The following RYR3 variants were observed in gnomAD, a reference collection of about 807,000 sequenced individuals.
RYR3 encodes the protein ryanodine receptor 3, also known as brain ryanodine receptor-calcium release channel.
A neutral mutation model predicts 584.3 loss-of-function variants in RYR3; 207 were observed. The observed-to-expected ratio is 0.35, with a 90% CI of 0.32 to 0.40. The LOEUF is 0.40. Among genes scored for constraint, RYR3 ranks in the 10% least tolerant of loss-of-function variants. The probability of loss-of-function intolerance (pLI) is 1.00; values close to 1 mark genes in which losing one functional copy is unlikely to be tolerated. For missense variants in RYR3, 5,616 were observed against 6,089.2 expected (o/e 0.92, Z 2.59); for synonymous variants, 2,416 against 2,248.5 (o/e 1.07, Z -2.11).
At chr15:33,406,157 C>T (rs1469350641) in intron 1 of RYR3, among the ~76,000 whole-genome samples, 1 of 152,054 alleles carries the variant, frequency 6.6e-6, no homozygotes, top group Non-Finnish European at 1.5e-5. Context: ...AGGGATATCA[C>T]AGTAGTTCCA....
rs577496539 is a variant in RYR3 at position 33,664,589 on chromosome 15, G to GTGTATATATATATATATATA, written c.5619+853_5619+854insGTATATATATATATATATAT. ...TATATAGATATATGTGTGTGTGTGT[G>GTGTATATATATATATATATA]TATATATATATATATATATATATAT... On this transcript the variant is annotated intron_variant, in intron 36 of 103. Transcript: ENST00000634891. Among the ~76,000 whole-genome samples, 235 of 91,294 alleles carry GTGTATATATATATATATATA rather than the reference G, an allele frequency of 2.6e-3. 1 individual carries two copies. Among genetic ancestry groups the GTGTATATATATATATATATA allele is most frequent in the Middle Eastern group, 6.9e-3 (1 of 144 alleles). The allele number at this position is 91,294 out of a possible 152,430, so 59.9% of individuals were successfully genotyped here. A position where few individuals can be genotyped will look rare whatever the true frequency, so the allele number is the denominator to read the frequency against.
chr15:33,852,953 C>T (rs2079258300), intron 94 of RYR3, 92 bp from the exon 95 acceptor site: 2 of 1,106,276 alleles, frequency 1.8e-6, no homozygotes, highest in Admixed American at 4.2e-5. Flanking sequence ...CCAGAAAGAT[C>T]CCAGATCCAG....
intron 18 of RYR3, among the ~76,000 whole-genome samples, chr15:33,608,037 A>G (rs1266096994): frequency 6.6e-6 from 1 of 152,126 alleles, no homozygotes; most frequent in African/African-American, 2.4e-5. Flanking sequence ...GGTTCCAGAA[A>G]CCCCTTGACC....
At chr15:33,627,354 C>T (rs1043693526) in intron 20 of RYR3, among the ~76,000 whole-genome samples, 1 of 152,106 alleles carries the variant, frequency 6.6e-6, no homozygotes, top group Non-Finnish European at 1.5e-5. Flanking sequence ...GAGATAGGAG[C>T]AAAACACCAG....
chr15:33,403,202 A>G (rs2042797938), intron 1 of RYR3, among the ~76,000 whole-genome samples: 2 of 152,172 alleles, frequency 1.3e-5, no homozygotes, highest in South Asian at 4.1e-4. Flanking sequence ...TCTCTTTTGC[A>G]TGTTTTAATT....
At chr15:33,692,076 C>T (rs1290313226) in intron 38 of RYR3, among the ~76,000 whole-genome samples, 3 of 152,190 alleles carry the variant, frequency 2.0e-5, no homozygotes, top group Non-Finnish European at 4.4e-5. Context: ...CTTTATTAAA[C>T]CTGCAGTATG....
At chr15:33,688,584 A>AG (rs1276332238) in intron 38 of RYR3, among the ~76,000 whole-genome samples, 10 of 152,000 alleles carry the variant, frequency 6.6e-5, no homozygotes, top group Middle Eastern at 3.4e-3. Flanking sequence ...AAAAAAAAAA[A>AG]AAAAAAAGAC....
rs1235595712 is a variant in RYR3 at position 33,785,883 on chromosome 15, G to A, written c.9490G>A (p.Val3164Ile). The change falls in exon 66 of 104, where the codon GTC becomes ATC. Residue 3164 changes from valine (V) to isoleucine (I), a missense_variant. Transcript: ENST00000634891. ...CAGCACAGGGCCATGCTGCACCAAG[G>A]TCACCTCTGAACACCTCAGTCTCAT... The part of the protein sequence containing the change: ...PPSTGPCCTK[V>I]TSEHLSLILG... 4 of 1,613,878 alleles carry A rather than the reference G, an allele frequency of 2.5e-6. No individual in the cohort carries two copies. In the Admixed American group the frequency reaches 5.0e-5, roughly 20 times the overall value.
intron 1 of RYR3, among the ~76,000 whole-genome samples, chr15:33,438,865 A>G (rs1389219776): frequency 1.3e-5 from 2 of 152,212 alleles, no homozygotes; most frequent in Non-Finnish European, 2.9e-5. Context: ...CACATAAAAC[A>G]GTAATCTACA....
chr15:33,367,162 T>C (rs1366413767), intron 1 of RYR3, among the ~76,000 whole-genome samples: 3 of 152,238 alleles, frequency 2.0e-5, no homozygotes, highest in African/African-American at 7.2e-5. Flanking sequence ...TCCTAGTGGC[T>C]ATGTCATCAA....
intron 1 of RYR3, among the ~76,000 whole-genome samples, chr15:33,439,996 A>AT (rs1459945814): frequency 6.6e-6 from 1 of 152,200 alleles, no homozygotes; most frequent in Non-Finnish European, 1.5e-5. Flanking sequence ...TCATTTTAAA[A>AT]TTGAGTCTAG....
chr15:33,484,090 C>T (rs1347479490), intron 2 of RYR3, among the ~76,000 whole-genome samples: 2 of 151,762 alleles, frequency 1.3e-5, no homozygotes, highest in African/African-American at 4.8e-5. Flanking sequence ...GATTATTTTG[C>T]TATAGGTAGT....
intron 16 of RYR3, among the ~76,000 whole-genome samples, chr15:33,595,085 CAT>C (rs34529856): frequency 0.14 from 21,769 of 152,076 alleles, 1,602 homozygotes; most frequent in Middle Eastern, 0.19. Context: ...TAGAAAAAGA[CAT>C]AATTTATAAT....
intron 59 of RYR3, among the ~76,000 whole-genome samples, chr15:33,756,918 G>C (rs2071893661): frequency 6.6e-6 from 1 of 152,100 alleles, no homozygotes; most frequent in South Asian, 2.1e-4. Context: ...TTCCATTTGA[G>C]CTTCATCCAG....
chr15:33,718,381 G>C (rs1021074239), intron 43 of RYR3, among the ~76,000 whole-genome samples: 3 of 152,272 alleles, frequency 2.0e-5, no homozygotes, highest in Middle Eastern at 3.4e-3. Flanking sequence ...TTGAATGTTT[G>C]TGATATGCCA....
chr15:33,865,317 T>A lies in RYR3; in HGVS notation c.*91T>A. ...ACAGTTCTGCAACATATCTGAAATG[T>A]GACATTTTCTAAATGCCTCCCTTAA... On this transcript the variant is annotated 3_prime_UTR_variant, in exon 104 of 104. Coordinates refer to ENST00000634891, the MANE Select transcript of RYR3 (RefSeq NM_001036.6). The A allele has an allele frequency of 1.2e-6, 1 of 852,194 alleles. No individual in the cohort carries two copies. The allele number at this position is 852,194 out of a possible 1,614,324, so 52.8% of individuals were successfully genotyped here. A position where few individuals can be genotyped will look rare whatever the true frequency, so the allele number is the denominator to read the frequency against.
At chr15:33,713,853 T>C (rs1196052484) in intron 43 of RYR3, among the ~76,000 whole-genome samples, 1 of 152,168 alleles carries the variant, frequency 6.6e-6, no homozygotes, top group East Asian at 1.9e-4. Context: ...GGGCCTCTTT[T>C]GTAGTGGCAC....
At chr15:33,635,938 G>C in intron 26 of RYR3, 119 bp downstream of exon 26, 1 of 811,996 alleles carries the variant, frequency 1.2e-6, no homozygotes, top group Non-Finnish European at 2.0e-6. Flanking sequence ...ACCACCACTG[G>C]CTAATGTAGA....
intron 43 of RYR3, among the ~76,000 whole-genome samples, chr15:33,717,727 G>A (rs373239950): frequency 3.5e-4 from 54 of 152,212 alleles, no homozygotes; most frequent in African/African-American, 1.3e-3. Flanking sequence ...AAGCTCTGCT[G>A]CAGGTCCACA....
Sources: allele counts gnomAD v4.1 joint callset (sites outside exome capture counted in the v4.1 genomes callset), GRCh38; gene constraint gnomAD v4.1.1; transcripts MANE v1.5; gene names NCBI Gene and HGNC (gene_info 2026-07-23, HGNC 2026-07-21).